The following AK3 variants were observed in gnomAD, a reference collection of about 807,000 sequenced individuals.
AK3 encodes the protein adenylate kinase 3, also known as GTP:AMP phosphotransferase AK3, mitochondrial.
Under a neutral mutation model 23.7 loss-of-function variants are expected in AK3, and 27 were observed. That is an observed-to-expected ratio of 1.14 (90% CI 0.84 to 1.57). The LOEUF is 1.57. AK3 is among the 40% of genes most tolerant of loss of function. The pLI is 0.00. For missense variants in AK3, 406 were observed against 285.6 expected (o/e 1.42, Z -3.04); for synonymous variants, 159 against 116.0 (o/e 1.37, Z -2.38).
At position 4,740,978 on chromosome 9, in the gene AK3, G is replaced by A. The variant is rs773236307; in HGVS notation, c.110C>T (p.Ser37Phe). The A allele has an allele frequency of 1.3e-6, 2 of 1,589,280 alleles. No individual in the cohort carries two copies. The highest frequency in any genetic ancestry group is 1.7e-5 in the Admixed American group (1 of 57,598). The change falls in exon 1 of 5, where the codon TCC becomes TTC. Residue 37 changes from serine (S) to phenylalanine (F), a missense_variant. Physicochemically the swap from Ser to Phe is radical, Grantham distance 155. Coordinates refer to ENST00000381809, the MANE Select transcript of AK3 (RefSeq NM_016282.4). The part of the protein sequence containing the change: ...ITTHFELKHL[S>F]SGDLLRDNML... The stretch of plus-strand genomic sequence containing the variant: ...GTTGTCCCGGAGCAGGTCCCCGCTG[G>A]AGAGGTGCTTCAGCTCGAAGTGTGT...
chr9:4,715,392 T>C (rs774575221), intron 4 of AK3, among the ~76,000 whole-genome samples: 1 of 35,658 alleles, frequency 2.8e-5, no homozygotes, highest in Non-Finnish European at 4.8e-5. Context: ...CCCTTACTAC[T>C]TTTTTTTTTT....
intron 1 of AK3, 105 bp downstream of exon 1, chr9:4,740,832 T>A: frequency 6.2e-6 from 8 of 1,298,960 alleles, no homozygotes; most frequent in Non-Finnish European, 8.0e-6. Context: ...GGGAGGGAAA[T>A]GCCGCGCCCG....
chr9:4,720,060 T>G (rs1841854222), intron 2 of AK3, among the ~76,000 whole-genome samples: 1 of 151,872 alleles, frequency 6.6e-6, no homozygotes, highest in Admixed American at 6.6e-5. Context: ...GCAAGACTCC[T>G]CAAAAACAAA....
intron 4 of AK3, among the ~76,000 whole-genome samples, chr9:4,713,918 A>G (rs113202059): frequency 3.5e-4 from 39 of 111,738 alleles, no homozygotes; most frequent in African/African-American, 1.2e-3. Context: ...ACACATATAC[A>G]CCTCCACATA....
chr9:4,713,106 A>T lies in AK3; in HGVS notation c.564-10T>A. 6.2e-6 allele frequency: 10 copies of T among 1,612,882 alleles called. No homozygotes were observed. Among genetic ancestry groups the T allele is most frequent in the Non-Finnish European group, 8.5e-6 (10 of 1,179,356 alleles). On this transcript the variant is annotated splice_polypyrimidine_tract_variant and intron_variant, in intron 4 of 4. Transcript: ENST00000381809. ...CAGCACCCCTTTTTTCCTAAAGATG[A>T]AACAAAAACAAAACAAACACACACA...
chr9:4,719,840 C>T lies in AK3; in HGVS notation c.272-533G>A, dbSNP rs180941502. ...CAGCATTTTGGGAGGCTGAGGAGGG[C>T]GGATCACCTGAGCTCAGGAGTTCAA... On this transcript the variant is annotated intron_variant, in intron 2 of 4. Coordinates refer to ENST00000381809, the MANE Select transcript of AK3 (RefSeq NM_016282.4). Among the ~76,000 whole-genome samples the T allele has an allele frequency of 1.1e-4, 16 of 152,076 alleles. No individual in the cohort carries two copies. The East Asian group carries it at 2.9e-3, about 28-fold the overall frequency.
intron 1 of AK3, 44 bp downstream of exon 1, chr9:4,740,893 C>T (rs1201306108): frequency 6.8e-7 from 1 of 1,460,260 alleles, no homozygotes; most frequent in Non-Finnish European, 9.1e-7. Flanking sequence ...CGAAGTCCGA[C>T]CCGGGTGACA....
intron 4 of AK3, among the ~76,000 whole-genome samples, chr9:4,716,101 G>A (rs1054812107): frequency 6.6e-6 from 1 of 152,246 alleles, no homozygotes; most frequent in Admixed American, 6.5e-5. Context: ...CCTGATGATA[G>A]GTGTTTTTGA....
chr9:4,726,356 T>C (rs1045685518), intron 1 of AK3, among the ~76,000 whole-genome samples: 2 of 152,220 alleles, frequency 1.3e-5, no homozygotes, highest in African/African-American at 4.8e-5. Flanking sequence ...TAGAACTTCT[T>C]TCAAAACTGT....
chr9:4,718,319 G>C, intron 4 of AK3, 100 bp downstream of exon 4: 1 of 850,298 alleles, frequency 1.2e-6, no homozygotes, highest in Non-Finnish European at 2.0e-6. Flanking sequence ...TGTGAACTGG[G>C]TCTTTTGGCA....
intron 2 of AK3, among the ~76,000 whole-genome samples, chr9:4,720,309 T>G (rs1031032520): frequency 1.3e-5 from 2 of 152,170 alleles, no homozygotes; most frequent in Admixed American, 1.3e-4. Flanking sequence ...ACTTCTGACT[T>G]TGCAATGTTG....
At chr9:4,740,737 C>G (rs575766044) in intron 1 of AK3, among the ~76,000 whole-genome samples, 200 bp downstream of exon 1, 1 of 152,204 alleles carries the variant, frequency 6.6e-6, no homozygotes. Flanking sequence ...CACCGCCACC[C>G]CATAACCCGC....
intron 2 of AK3, among the ~76,000 whole-genome samples, chr9:4,720,942 C>G (rs543457195): frequency 1.3e-5 from 2 of 152,120 alleles, no homozygotes; most frequent in African/African-American, 4.8e-5. Flanking sequence ...GTTCCTGCTG[C>G]CAAAGATAAC....
intron 1 of AK3, among the ~76,000 whole-genome samples, chr9:4,726,059 T>C (rs921910563): frequency 9.2e-5 from 14 of 152,224 alleles, no homozygotes; most frequent in Non-Finnish European, 1.5e-5. Context: ...AATAGCATTA[T>C]GTCTAAAATA....
At chr9:4,732,921 C>A (rs1842188305) in intron 1 of AK3, among the ~76,000 whole-genome samples, 1 of 150,468 alleles carries the variant, frequency 6.6e-6, no homozygotes. Flanking sequence ...TTATAACTCA[C>A]TGCAGTCTCA....
At chr9:4,720,689 C>CAAAAAAA (rs61644070) in intron 2 of AK3, among the ~76,000 whole-genome samples, 9 of 140,194 alleles carry the variant, frequency 6.4e-5, no homozygotes, top group African/African-American at 1.6e-4. Flanking sequence ...ACACTGTCTC[C>CAAAAAAA]AAAAAAAAAA....
chr9:4,721,623 T>C (rs1160971913), intron 2 of AK3, among the ~76,000 whole-genome samples: 6 of 151,994 alleles, frequency 3.9e-5, no homozygotes, highest in African/African-American at 1.4e-4. Context: ...CACGCCCGGC[T>C]AATTTTTGTA....
rs1376800627 is a variant in AK3, at chr9:4,710,022, A to G, written c.*2954T>C. On this transcript the variant is annotated 3_prime_UTR_variant, in exon 5 of 5. Transcript: ENST00000381809. ...GAATGCCATTATATATAGCTGGGGG[A>G]AAAGTAGCCATAGGGTGGGGTTTAG... The G allele has an allele frequency of 1.3e-5, 2 of 152,118 alleles. No individual in the cohort carries two copies. The highest frequency in any genetic ancestry group is 2.4e-5 in the African/African-American group (1 of 41,414). The allele number at this position is 152,118 out of a possible 1,614,324, so 9.4% of individuals were successfully genotyped here. A position where few individuals can be genotyped will look rare whatever the true frequency, so the allele number is the denominator to read the frequency against.
intron 1 of AK3, among the ~76,000 whole-genome samples, chr9:4,723,951 C>T (rs1429709595): frequency 6.7e-6 from 1 of 148,704 alleles, no homozygotes; most frequent in African/African-American, 2.6e-5. Context: ...AATTGCCATA[C>T]TGACCCCAAA....
Sources: gnomAD v4.1 joint callset for allele counts (sites outside exome capture counted in the v4.1 genomes callset) on GRCh38, gnomAD v4.1.1 for gene constraint, MANE v1.5 for transcripts, NCBI Gene and HGNC (gene_info 2026-07-23, HGNC 2026-07-21) for gene names.